The following SYNE2 variants were observed in gnomAD, a reference collection of about 807,000 sequenced individuals.
The protein encoded by SYNE2 is nesprin-2.
A neutral mutation model predicts 856.3 loss-of-function variants in SYNE2; 431 were observed. The observed-to-expected ratio is 0.50, with a 90% CI of 0.47 to 0.55. SYNE2 has a LOEUF of 0.55. Among genes scored for constraint, SYNE2 ranks in the 20% least tolerant of loss-of-function variants. The pLI, the probability that SYNE2 is intolerant of heterozygous loss-of-function variation, is 0.00. For missense variants in SYNE2, 8,129 were observed against 8,023.2 expected, an observed-to-expected ratio of 1.01 and a Z score of -0.50; for synonymous variants, 2,923 against 2,872.3, an observed-to-expected ratio of 1.02 and a Z score of -0.56.
chr14:64,124,976 C>A, intron 70 of SYNE2, 103 bp from the exon 71 acceptor site: 1 of 1,464,066 alleles, frequency 6.8e-7, no homozygotes, highest in Non-Finnish European at 9.3e-7. Flanking sequence ...GCACTCCAGC[C>A]TGGGCGACAG....
At chr14:63,815,205 C>CATATGTATATGGATATATAT (rs1888910622) in intron 1 of SYNE2, among the ~76,000 whole-genome samples, 1 of 94,612 alleles carries the variant, frequency 1.1e-5, no homozygotes, top group Non-Finnish European at 2.2e-5. Flanking sequence ...TATATATATC[C>CATATGTATATGGATATATAT]ATATATATAT....
chr14:64,027,124 A>G (rs2096986855), intron 42 of SYNE2, among the ~76,000 whole-genome samples: 1 of 152,148 alleles, frequency 6.6e-6, no homozygotes, highest in Non-Finnish European at 1.5e-5. Context: ...CTATAAAAGC[A>G]TAAACTAGTT....
At chr14:63,918,042 C>G (rs1207556869) in intron 2 of SYNE2, among the ~76,000 whole-genome samples, 1 of 152,020 alleles carries the variant, frequency 6.6e-6, no homozygotes, top group African/African-American at 2.4e-5. Flanking sequence ...CTCATTCATT[C>G]CTTATAGAAA....
rs769430969 is a variant in SYNE2 at position 64,000,740 on chromosome 14, A to C, written c.3638+21A>C. The C allele has an allele frequency of 1.9e-6, 3 of 1,603,156 alleles. No individual in the cohort carries two copies. In the African/African-American group the frequency reaches 4.0e-5, roughly 21 times the overall value. The stretch of plus-strand genomic sequence containing the variant: ...ACCAGGTAAAATTCTGAGATCTATT[A>C]ACTATGAATCTAATAAACTCACTAA... On this transcript the variant is annotated intron_variant, in intron 28 of 115. Coordinates refer to ENST00000555002, the MANE Select transcript of SYNE2 (RefSeq NM_182914.3).
intron 27 of SYNE2, among the ~76,000 whole-genome samples, chr14:63,999,989 A>G (rs1056526812): frequency 6.6e-6 from 1 of 152,306 alleles, no homozygotes; most frequent in East Asian, 1.9e-4. Flanking sequence ...GGTTAGAAAA[A>G]CTATACTAAT....
At chr14:64,031,762 T>C (rs4462521) in intron 45 of SYNE2, among the ~76,000 whole-genome samples, 129,018 of 152,212 alleles carry the variant, frequency 0.85, 55,513 homozygotes, top group Non-Finnish European at 0.93. Flanking sequence ...TCGGAAAGGA[T>C]AGTTTCTTAT....
At chr14:64,102,479 G>C (rs1878661249) in intron 64 of SYNE2, among the ~76,000 whole-genome samples, 1 of 151,230 alleles carries the variant, frequency 6.6e-6, no homozygotes, top group Non-Finnish European at 1.5e-5. Flanking sequence ...GAATGCTTAG[G>C]GAGGGAACCT....
intron 99 of SYNE2, among the ~76,000 whole-genome samples, chr14:64,193,356 C>T (rs1055793791): frequency 2.6e-5 from 4 of 152,184 alleles, no homozygotes; most frequent in Admixed American, 6.5e-5. Flanking sequence ...TTGAGACCAG[C>T]CTGGCTTACA....
At chr14:63,842,294 C>T (rs150591516) in intron 1 of SYNE2, among the ~76,000 whole-genome samples, 1 of 151,892 alleles carries the variant, frequency 6.6e-6, no homozygotes, top group African/African-American at 2.4e-5. Context: ...GACCCAGACT[C>T]ACGAGTAGCT....
At chr14:63,913,833 A>ATAATTTTTT (rs2095502789) in intron 2 of SYNE2, among the ~76,000 whole-genome samples, 3 of 24,736 alleles carry the variant, frequency 1.2e-4, no homozygotes, top group African/African-American at 3.7e-4. Context: ...ATGGCTGTTT[A>ATAATTTTTT]AAATTTTTTA....
At chr14:63,822,172 C>G (rs1473714918) in intron 1 of SYNE2, among the ~76,000 whole-genome samples, 2 of 151,742 alleles carry the variant, frequency 1.3e-5, no homozygotes, top group African/African-American at 4.9e-5. Context: ...GCCCGGGTGA[C>G]AGAGGGAGAC....
upstream of SYNE2, among the ~76,000 whole-genome samples, chr14:63,849,298 A>G (rs944269000): frequency 2.0e-5 from 3 of 148,526 alleles, no homozygotes; most frequent in Non-Finnish European, 4.4e-5. Flanking sequence ...GTAACATAGT[A>G]ATGCAATAGG....
chr14:63,973,287 TTTC>T lies in SYNE2; in HGVS notation c.1129-3275_1129-3273del, dbSNP rs751181430. Among the ~76,000 whole-genome samples, 8 of 152,140 alleles carry T rather than the reference TTTC, an allele frequency of 5.3e-5. No homozygotes were observed. In the East Asian group the frequency reaches 1.5e-3, roughly 29 times the overall value. On this transcript the variant is annotated intron_variant, in intron 11 of 115. Coordinates refer to ENST00000555002, the MANE Select transcript of SYNE2 (RefSeq NM_182914.3). ...AAATTTACGATAAAGAAATAACTTTTTTCATTTTTCTTTTATCTGGAGACATAA... is the reference window on the plus strand; with the variant it reads ...AAATTTACGATAAAGAAATAACTTTTATTTTTCTTTTATCTGGAGACATAA...
chr14:63,865,700 A>C (rs1895019527), intron 1 of SYNE2, among the ~76,000 whole-genome samples: 1 of 139,002 alleles, frequency 7.2e-6, no homozygotes, highest in Non-Finnish European at 1.6e-5. Flanking sequence ...CAACAAGAGC[A>C]AAACTCTGTA....
Position 64,146,234 on chromosome 14 carries a change from G to T in SYNE2, c.15639+11G>T. ...CTCCTGGACTGTCAGGTGAGGAGGGGAACAGCATCCCACCCAACCCGCGAG... is the reference window on the plus strand; with the variant it reads ...CTCCTGGACTGTCAGGTGAGGAGGGTAACAGCATCCCACCCAACCCGCGAG... On this transcript the variant is annotated intron_variant, in intron 84 of 115. Transcript: ENST00000555002. 1 of 1,601,432 alleles carries T rather than the reference G, an allele frequency of 6.2e-7. No homozygotes were observed. The highest frequency in any genetic ancestry group is 1.1e-5 in the South Asian group (1 of 88,522).
chr14:64,078,419 G>A (rs2097487845), intron 54 of SYNE2, 47 bp from the exon 55 acceptor site: 2 of 1,609,552 alleles, frequency 1.2e-6, no homozygotes, highest in Non-Finnish European at 1.7e-6. Flanking sequence ...TATGAATAAA[G>A]TGCAGACAAC....
intron 99 of SYNE2, chr14:64,191,172 TATTTAAATTATTATTTAAATTTAATA>T: frequency 2.9e-6 from 1 of 348,158 alleles, no homozygotes; most frequent in Non-Finnish European, 5.1e-6. Context: ...TTAAATTTAT[TATTTAAATTATTATTTAAATTTAATA>T]ATTTAAATTA....
chr14:63,815,137 C>T (rs1201276997), intron 1 of SYNE2, among the ~76,000 whole-genome samples: 1 of 119,086 alleles, frequency 8.4e-6, no homozygotes, highest in Non-Finnish European at 1.7e-5. Context: ...CATATATATC[C>T]ATATATATAC....
rs780778956 is a variant in SYNE2 at position 64,162,211 on chromosome 14, G to A, written c.16234G>A (p.Ala5412Thr). The A allele has an allele frequency of 9.3e-6, 15 of 1,614,076 alleles. No homozygotes were observed. Among genetic ancestry groups the A allele is most frequent in the African/African-American group, 1.3e-5 (1 of 74,924 alleles). The part of the protein sequence containing the change: ...KQQEAKFQQL[A>T]NISMSGNNLA... ...GCAGGAAGCAAAGTTTCAACAGCTC[G>A]CAAACATCAGCATGTCTGGAAACAA... Residue 5412 changes from alanine (A) to threonine (T), a missense_variant, in exon 88 of 116, where the codon GCA (alanine) becomes ACA (threonine). Transcript: ENST00000555002.
Sources: gnomAD v4.1 joint callset for allele counts (sites outside exome capture counted in the v4.1 genomes callset) on GRCh38, gnomAD v4.1.1 for gene constraint, MANE v1.5 for transcripts, NCBI Gene and HGNC (gene_info 2026-07-23, HGNC 2026-07-21) for gene names.